The following TFEC variants were observed in gnomAD, a reference collection of about 807,000 sequenced individuals.
The protein encoded by TFEC is transcription factor EC.
TFEC carries 31 observed loss-of-function variants against 41.6 expected under a neutral mutation model. The ratio of observed to expected loss-of-function variants is 0.74; its 90% CI spans 0.56 to 1.01. TFEC has a LOEUF of 1.01. Ranked by LOEUF, TFEC falls within the 50% of genes least tolerant of loss-of-function variation. The pLI, the probability that TFEC is intolerant of heterozygous loss-of-function variation, is 0.00. For synonymous variants in TFEC, 143 were observed against 140.6 expected, an observed-to-expected ratio of 1.02 and a Z score of -0.12; for missense variants, 402 against 404.1, an observed-to-expected ratio of 0.99 and a Z score of 0.04.
At chr7:116,159,504 G>C (rs1798933309) in intron 1 of TFEC, among the ~76,000 whole-genome samples, 1 of 152,000 alleles carries the variant, frequency 6.6e-6, no homozygotes, top group South Asian at 2.1e-4. Flanking sequence ...AGTCCAAAAA[G>C]AGTAACATTT....
chr7:116,141,888 GATAA>G (rs1299551468), intron 1 of TFEC, among the ~76,000 whole-genome samples: 1 of 152,198 alleles, frequency 6.6e-6, no homozygotes, highest in Non-Finnish European at 1.5e-5. Context: ...GGCTGCAATT[GATAA>G]ATAGTCGCTC....
chr7:115,983,415 G>A (rs952880861), intron 2 of TFEC, among the ~76,000 whole-genome samples: 3 of 152,006 alleles, frequency 2.0e-5, no homozygotes, highest in Non-Finnish European at 2.9e-5. Context: ...GAGGCTACAG[G>A]CTTAATAGAT....
At position 115,954,586 on chromosome 7, in the gene TFEC, T is replaced by C. The variant is rs368472415; in HGVS notation, c.439A>G (p.Ile147Val). ...ERQKKDNHNL[I>V]ERRRRYNINY... The stretch of plus-strand genomic sequence containing the variant: ...TTTATATGGAAAAATATATACTCAC[T>C]GAGGTTGTGGTTGTCCTTTTTTTGT... The change falls in exon 5 of 8, where the codon ATT becomes GTT. Residue 147 changes from isoleucine to valine, a missense_variant and splice_region_variant. Ile to Val is a conservative substitution (Grantham distance 29). Transcript: ENST00000265440. 32 of 1,610,654 alleles carry C rather than the reference T, an allele frequency of 2.0e-5. No homozygotes were observed. The highest frequency in any genetic ancestry group is 1.3e-4 in the East Asian group (6 of 44,726).
intron 1 of TFEC, among the ~76,000 whole-genome samples, chr7:116,155,396 G>C (rs1167175950): frequency 6.6e-6 from 1 of 152,180 alleles, no homozygotes; most frequent in Non-Finnish European, 1.5e-5. Context: ...CTATGCTACA[G>C]TTGACATATT....
chr7:116,034,582 T>A (rs147633964), upstream of TFEC, among the ~76,000 whole-genome samples: 173 of 151,950 alleles, frequency 1.1e-3, 3 homozygotes, highest in East Asian at 0.026. Context: ...TGCTATTATC[T>A]GAGTCAAAGC....
intron 1 of TFEC, among the ~76,000 whole-genome samples, chr7:116,117,019 GA>G (rs1461356822): frequency 6.6e-6 from 1 of 151,620 alleles, no homozygotes; most frequent in African/African-American, 2.4e-5. Flanking sequence ...AAAATAAACA[GA>G]AAAAGAGGAT....
At position 115,940,262 on chromosome 7, in the gene TFEC, T is replaced by C. The variant is rs1486920815; in HGVS notation, c.*289A>G. 4.0e-6 allele frequency: 1 copy of C among 251,578 alleles called. No homozygotes were observed. Among genetic ancestry groups the C allele is most frequent in the Non-Finnish European group, 7.7e-6 (1 of 130,702 alleles). 15.6% of individuals were successfully genotyped at this position (251,578 alleles called of 1,614,324 possible). A position where few individuals can be genotyped will look rare whatever the true frequency, so the allele number is the denominator to read the frequency against. On this transcript the variant is annotated 3_prime_UTR_variant, in exon 8 of 8. Coordinates refer to ENST00000265440, the MANE Select transcript of TFEC (RefSeq NM_012252.4). ...CCACCAAGTTGCTGCTTTTAAAACATCAATAAAGAGCTATTTCTTATGCTG... is the reference window on the plus strand; with the variant it reads ...CCACCAAGTTGCTGCTTTTAAAACACCAATAAAGAGCTATTTCTTATGCTG...
intron 1 of TFEC, among the ~76,000 whole-genome samples, chr7:116,150,559 C>T (rs1453169977): frequency 2.0e-5 from 3 of 151,764 alleles, no homozygotes; most frequent in Non-Finnish European, 4.4e-5. Flanking sequence ...TGCTTGACAA[C>T]CAAACCACCA....
intron 1 of TFEC, among the ~76,000 whole-genome samples, chr7:116,153,902 T>C (rs944487427): frequency 6.6e-6 from 1 of 152,184 alleles, no homozygotes; most frequent in Non-Finnish European, 1.5e-5. Flanking sequence ...AGTGGCCTGA[T>C]AACACATGTA....
chr7:115,995,895 T>C (rs933100848), intron 1 of TFEC, among the ~76,000 whole-genome samples: 3 of 152,190 alleles, frequency 2.0e-5, no homozygotes, highest in African/African-American at 7.2e-5. Context: ...AGACCAGCCC[T>C]ACCCGGAGGG....
intron 3 of TFEC, among the ~76,000 whole-genome samples, chr7:116,080,937 C>G (rs1259698308): frequency 6.6e-6 from 1 of 150,682 alleles, no homozygotes; most frequent in Non-Finnish European, 1.5e-5. Context: ...TGGAAGAAGC[C>G]CAAATCCCCA....
chr7:115,990,603 T>C (rs1794064782), intron 1 of TFEC, among the ~76,000 whole-genome samples: 2 of 152,098 alleles, frequency 1.3e-5, no homozygotes, highest in Admixed American at 1.3e-4. Flanking sequence ...CTTCAGTAGC[T>C]GATTTGATCA....
rs193278111 is a variant in TFEC, at chr7:116,135,000, T to A, written c.-68-22962A>T. The stretch of plus-strand genomic sequence containing the variant: ...GACCTAGAATATCATTAACAACTTA[T>A]ACATTTTAAAATCACATTTTGAAAT... On this transcript the variant is annotated intron_variant, in intron 1 of 8. Transcript: ENST00000484212. 6.6e-5 allele frequency among the ~76,000 whole-genome samples: 10 copies of A among 152,278 alleles called. No individual in the cohort carries two copies. In the East Asian group the frequency reaches 1.9e-3, roughly 29 times the overall value.
chr7:116,040,626 T>C (rs1796014672), intron 3 of TFEC, among the ~76,000 whole-genome samples: 1 of 152,186 alleles, frequency 6.6e-6, no homozygotes, highest in Non-Finnish European at 1.5e-5. Context: ...TTACACAGTA[T>C]TGTATTGGTC....
chr7:115,991,155 C>T (rs1311199543), intron 1 of TFEC, among the ~76,000 whole-genome samples: 1 of 152,084 alleles, frequency 6.6e-6, no homozygotes, highest in Non-Finnish European at 1.5e-5. Context: ...GAAATAAAAT[C>T]CTTTACAGAC....
At chr7:116,138,339 C>A (rs1428373107) in intron 1 of TFEC, among the ~76,000 whole-genome samples, 1 of 152,090 alleles carries the variant, frequency 6.6e-6, no homozygotes, top group South Asian at 2.1e-4. Flanking sequence ...AAGTTAGGAT[C>A]CTGTTTGGGT....
intron 6 of TFEC, among the ~76,000 whole-genome samples, chr7:115,948,122 T>C (rs13231653): frequency 0.14 from 21,567 of 151,664 alleles, 2,039 homozygotes; most frequent in Non-Finnish European, 0.21. Context: ...TTCCTCGACA[T>C]ATACACTCTC....
intron 3 of TFEC, among the ~76,000 whole-genome samples, chr7:116,103,806 A>AT (rs1012244791): frequency 6.6e-6 from 1 of 152,184 alleles, no homozygotes; most frequent in Non-Finnish European, 1.5e-5. Context: ...TGTTGAGTAT[A>AT]TATTATTTTA....
intron 3 of TFEC, among the ~76,000 whole-genome samples, chr7:116,058,813 G>A (rs1232832562): frequency 6.6e-6 from 1 of 151,522 alleles, no homozygotes; most frequent in Non-Finnish European, 1.5e-5. Flanking sequence ...AAAATCAAAA[G>A]GGAAATTAGA....
Sources: gnomAD v4.1 joint callset for allele counts (sites outside exome capture counted in the v4.1 genomes callset) on GRCh38, gnomAD v4.1.1 for gene constraint, MANE v1.5 for transcripts, NCBI Gene and HGNC (gene_info 2026-07-23, HGNC 2026-07-21) for gene names.